Variants in SPATA13 observed in about 807,000 individuals in gnomAD.
SPATA13 encodes the protein spermatogenesis associated 13, also known as spermatogenesis-associated protein 13.
In SPATA13, 50 loss-of-function variants were observed where a neutral mutation model predicts 104.0. The observed-to-expected ratio is 0.48, with a 90% CI of 0.38 to 0.61. The LOEUF is 0.61. Among genes scored for constraint, SPATA13 ranks in the 20% least tolerant of loss-of-function variants. SPATA13 has a pLI of 0.00. For synonymous variants in SPATA13, 606 were observed against 667.5 expected, an observed-to-expected ratio of 0.91 and a Z score of 1.42; for missense variants, 1,524 against 1,690.6, an observed-to-expected ratio of 0.90 and a Z score of 1.73.
intron 4 of SPATA13, among the ~76,000 whole-genome samples, chr13:24,255,454 C>G (rs1873742125): frequency 6.6e-6 from 1 of 151,778 alleles, no homozygotes; most frequent in Admixed American, 6.6e-5. Flanking sequence ...TCCTGGGGAC[C>G]CCGAGATCAG....
intron 5 of SPATA13, 29 bp downstream of exon 5, chr13:24,284,300 A>C (rs1206807444): frequency 6.3e-7 from 1 of 1,595,990 alleles, no homozygotes; most frequent in Non-Finnish European, 8.6e-7. Flanking sequence ...ACAGTAGTGG[A>C]TACGGGATAC....
At chr13:24,100,175 T>A (rs1227613711) in intron 3 of SPATA13, among the ~76,000 whole-genome samples, 3 of 152,270 alleles carry the variant, frequency 2.0e-5, no homozygotes, top group Middle Eastern at 6.8e-3. Context: ...AAGGAGTACA[T>A]CACTGGGGCA....
intron 9 of SPATA13, among the ~76,000 whole-genome samples, chr13:24,293,449 G>T (rs1876544553): frequency 6.6e-6 from 1 of 152,126 alleles, no homozygotes; most frequent in African/African-American, 2.4e-5. Flanking sequence ...GGGAAAGCTG[G>T]GTCCAGAAGT....
At chr13:24,208,826 G>A (rs568563681) in intron 1 of SPATA13, among the ~76,000 whole-genome samples, 26 of 152,316 alleles carry the variant, frequency 1.7e-4, no homozygotes, top group African/African-American at 5.8e-4. Context: ...AGAAATTACC[G>A]CACTTGGTTT....
At chr13:24,246,861 CA>C (rs988444573) in intron 2 of SPATA13, among the ~76,000 whole-genome samples, 62 of 141,882 alleles carry the variant, frequency 4.4e-4, no homozygotes, top group Admixed American at 8.4e-4. Context: ...GACTCCATCT[CA>C]AAAAAAAAAA....
intron 3 of SPATA13, among the ~76,000 whole-genome samples, chr13:24,144,290 A>G (rs1382436389): frequency 6.6e-6 from 1 of 152,104 alleles, no homozygotes; most frequent in Non-Finnish European, 1.5e-5. Context: ...ACATCACACC[A>G]AAGGGCGAGA....
At chr13:24,183,297 A>T (rs1299231337) in intron 1 of SPATA13, among the ~76,000 whole-genome samples, 2 of 152,244 alleles carry the variant, frequency 1.3e-5, no homozygotes, top group Admixed American at 6.5e-5. Context: ...TTGAGGATAG[A>T]CATCATCCTT....
At chr13:24,256,541 T>C (rs1265195322) in intron 4 of SPATA13, among the ~76,000 whole-genome samples, 4 of 152,196 alleles carry the variant, frequency 2.6e-5, no homozygotes, top group Non-Finnish European at 2.9e-5. Context: ...TCTCAAAATA[T>C]AGAAAATTGA....
At chr13:24,244,557 A>G (rs1289209443) in intron 2 of SPATA13, among the ~76,000 whole-genome samples, 1 of 152,240 alleles carries the variant, frequency 6.6e-6, no homozygotes, top group Non-Finnish European at 1.5e-5. Flanking sequence ...TAAGCAAAGC[A>G]CTTTAAAATG....
At position 24,065,912 on chromosome 13, in the gene SPATA13, G is replaced by T. The variant is rs150476137; in HGVS notation, c.-112+48211G>T. Among the ~76,000 whole-genome samples, 579 of 152,298 alleles carry T rather than the reference G, an allele frequency of 3.8e-3. 3 individuals are homozygous for T. The highest frequency in any genetic ancestry group is 0.013 in the African/African-American group (547 of 41,560). On this transcript the variant is annotated intron_variant, in intron 3 of 14. Coordinates refer to the SPATA13 transcript ENST00000424834. ...GCTCTGCCACTTAACAATTTGACTT[G>T]TCTTGGACCCCTTAAGTAATCTGAG...
chr13:24,082,159 C>T (rs1038222214), intron 3 of SPATA13, among the ~76,000 whole-genome samples: 15 of 152,310 alleles, frequency 9.8e-5, no homozygotes, highest in African/African-American at 3.6e-4. Context: ...AGTTGCTTGA[C>T]ATGCAGGATC....
At chr13:24,083,125 CATT>C (rs1323171916) in intron 3 of SPATA13, among the ~76,000 whole-genome samples, 3 of 152,242 alleles carry the variant, frequency 2.0e-5, no homozygotes, top group African/African-American at 7.2e-5. Context: ...GACAGGCATT[CATT>C]CCAGCCTTGA....
At chr13:24,038,298 G>A (rs1185424257) in intron 3 of SPATA13, among the ~76,000 whole-genome samples, 1 of 152,150 alleles carries the variant, frequency 6.6e-6, no homozygotes, top group African/African-American at 2.4e-5. Context: ...GATCAGAAAA[G>A]GCCACATCTA....
chr13:24,098,564 T>C (rs577950777), intron 3 of SPATA13, among the ~76,000 whole-genome samples: 11 of 145,496 alleles, frequency 7.6e-5, no homozygotes, highest in Non-Finnish European at 1.5e-4. Context: ...ACCACTGCAG[T>C]CCTGCCTAGG....
Position 24,290,726 on chromosome 13 carries a change from G to T in SPATA13, c.2922G>T (p.Met974Ile), listed in dbSNP as rs1160907247. 6.2e-7 allele frequency: 1 copy of T among 1,614,112 alleles called. No individual in the cohort carries two copies. Among genetic ancestry groups the T allele is most frequent in the Non-Finnish European group, 8.5e-7 (1 of 1,180,056 alleles). ...CCTGCCTGGAGCTCGCCAACCTCATGAAGCAGGGCAAGTACAGACATTTCT... is the reference window on the plus strand; with the variant it reads ...CCTGCCTGGAGCTCGCCAACCTCATTAAGCAGGGCAAGTACAGACATTTCT... ...PGACLELANL[M>I]KQGKYRHFFE... Residue 974 changes from methionine (M) to isoleucine (I), a missense_variant, in exon 9 of 13, where the codon ATG becomes ATT. Physicochemically the swap from Met to Ile is conservative, Grantham distance 10. Transcript: ENST00000382108.
chr13:24,143,900 C>T (rs182370213), intron 3 of SPATA13, among the ~76,000 whole-genome samples: 2 of 152,282 alleles, frequency 1.3e-5, no homozygotes, highest in Admixed American at 1.3e-4. Flanking sequence ...CTAATGTCCT[C>T]ATCTGCAAAA....
At chr13:24,074,481 T>A (rs1879261830) in intron 3 of SPATA13, among the ~76,000 whole-genome samples, 1 of 150,474 alleles carries the variant, frequency 6.6e-6, no homozygotes, top group Admixed American at 6.7e-5. Context: ...TGTATATGCT[T>A]AGCACATTTA....
At chr13:24,264,872 T>C (rs1324005629) in intron 4 of SPATA13, among the ~76,000 whole-genome samples, 1 of 152,218 alleles carries the variant, frequency 6.6e-6, no homozygotes, top group Non-Finnish European at 1.5e-5. Flanking sequence ...TCTGCATTAA[T>C]CAAAGTTCTA....
chr13:24,022,059 T>C (rs1266918607), intron 3 of SPATA13, among the ~76,000 whole-genome samples: 1 of 150,142 alleles, frequency 6.7e-6, no homozygotes. Flanking sequence ...TTCTTTTTTT[T>C]TTTTTTTCAA....
Sources: gnomAD v4.1 joint callset for allele counts (sites outside exome capture counted in the v4.1 genomes callset) on GRCh38, gnomAD v4.1.1 for gene constraint, MANE v1.5 for transcripts, NCBI Gene and HGNC (gene_info 2026-07-23, HGNC 2026-07-21) for gene names.